Variants in ERCC3 observed in about 807,000 individuals in gnomAD.
ERCC3 encodes the protein general transcription and DNA repair factor IIH helicase/translocase subunit XPB.
A neutral mutation model predicts 94.2 loss-of-function variants in ERCC3; 66 were observed. The ratio of observed to expected loss-of-function variants is 0.70; its 90% CI spans 0.57 to 0.86. ERCC3 has a LOEUF of 0.86. ERCC3 is among the 40% of genes least tolerant of loss of function. The pLI is 0.00. For missense variants in ERCC3, 829 were observed against 987.1 expected (o/e 0.84, Z 2.15); for synonymous variants, 349 against 369.1 (o/e 0.95, Z 0.63).
At chr2:127,292,104 G>A (rs1573963961) in intron 3 of ERCC3, 1 of 226,492 alleles carries the variant, frequency 4.4e-6, no homozygotes, top group East Asian at 1.0e-4. Context: ...GGGCAGGTGA[G>A]AGAAAGCATG....
intron 10 of ERCC3, among the ~76,000 whole-genome samples, chr2:127,273,749 C>CAAAAAAAAAAA (rs398039596): frequency 3.0e-4 from 12 of 40,118 alleles, no homozygotes; most frequent in African/African-American, 1.2e-3. Flanking sequence ...AACTCTGTCT[C>CAAAAAAAAAAA]AAAAAAAAAA....
Position 127,291,929 on chromosome 2 carries a change from G to C in ERCC3, c.471+681C>G, listed in dbSNP as rs1274124356. ...TTTACCACCTGTGTTAGTCAGCTTG[G>C]GCTGCCATAATAAAATTCCAGACTG... is the stretch of plus-strand genomic sequence containing the variant. On this transcript the variant is annotated intron_variant, in intron 3 of 14. Transcript: ENST00000285398. This position sits in a 1 kb window ranked among gnomAD's most constrained non-coding sequence, Gnocchi z 4.9. 6.3e-6 allele frequency: 1 copy of C among 157,636 alleles called. No individual in the cohort carries two copies. Among genetic ancestry groups the C allele is most frequent in the Non-Finnish European group, 1.4e-5 (1 of 71,046 alleles). The allele number at this position is 157,636 out of a possible 1,614,324, so 9.8% of individuals were successfully genotyped here.
chr2:127,292,495 C>A (rs1685305313), intron 3 of ERCC3, 115 bp downstream of exon 3: 1 of 807,982 alleles, frequency 1.2e-6, no homozygotes, highest in African/African-American at 1.7e-5. Context: ...ATGCTCCCCA[C>A]AGGAAATCTG....
rs1024487635 is a variant in ERCC3, at chr2:127,292,940, T to C, written c.235-94A>G. 5.0e-6 allele frequency: 4 copies of C among 798,258 alleles called. No individual in the cohort carries two copies. In the African/African-American group the frequency reaches 6.7e-5, roughly 13 times the overall value. The allele number at this position is 798,258 out of a possible 1,614,324, so 49.4% of individuals were successfully genotyped here. On this transcript the variant is annotated intron_variant, in intron 2 of 14. Transcript: ENST00000285398. ...ATATCATTATCAAGAAAGAATAAGC[T>C]GCCCAACACCACAGATATTCTTGCA...
rs931889478 is a variant in ERCC3 at position 127,264,190 on chromosome 2, G to A, written c.1946-2844C>T. On this transcript the variant is annotated intron_variant, in intron 12 of 14. Coordinates refer to ENST00000285398, the MANE Select transcript of ERCC3 (RefSeq NM_000122.2). This position sits in a 1 kb window ranked among gnomAD's most constrained non-coding sequence, Gnocchi z 4.4. ...ATCAAAAGCTCTTTCTGGGCTGGGCGCAGTGGCTCACACCTATAATCCCAG... is the reference window on the plus strand; with the variant it reads ...ATCAAAAGCTCTTTCTGGGCTGGGCACAGTGGCTCACACCTATAATCCCAG... Among the ~76,000 whole-genome samples, 36 of 152,174 alleles carry A rather than the reference G, an allele frequency of 2.4e-4. 2 individuals carry two copies. The highest frequency in any genetic ancestry group is 2.0e-3 in the Admixed American group (31 of 15,272).
At position 127,284,588 on chromosome 2, in the gene ERCC3, T is replaced by C. The variant is rs538820781; in HGVS notation, c.1342+2115A>G. On this transcript the variant is annotated intron_variant, in intron 8 of 14. Coordinates refer to ENST00000285398, the MANE Select transcript of ERCC3 (RefSeq NM_000122.2). This position sits in a 1 kb window ranked among gnomAD's most constrained non-coding sequence, Gnocchi z 4.1. Reference sequence around the variant, plus strand: ...GAAAGAACCAGATGCTGGGGCCATTTTGACATTTTGAACACTACCTGTGAA... The same window carrying C: ...GAAAGAACCAGATGCTGGGGCCATTCTGACATTTTGAACACTACCTGTGAA... Among the ~76,000 whole-genome samples, 7 of 152,370 alleles carry C rather than the reference T, an allele frequency of 4.6e-5. No individual in the cohort carries two copies. Among genetic ancestry groups the C allele is most frequent in the African/African-American group, 1.4e-4 (6 of 41,586 alleles).
chr2:127,270,236 G>C (rs759907976), intron 12 of ERCC3, among the ~76,000 whole-genome samples: 6 of 152,136 alleles, frequency 3.9e-5, no homozygotes, highest in Non-Finnish European at 7.3e-5. Context: ...CATTGCCCAA[G>C]ATGGTCTCAA....
At chr2:127,261,482 C>T in intron 12 of ERCC3, 136 bp from the exon 13 acceptor site, 1 of 738,550 alleles carries the variant, frequency 1.4e-6, no homozygotes, top group South Asian at 1.4e-5. Context: ...CTGAACTTGG[C>T]ATGGGATTGC....
At position 127,293,596 on chromosome 2, in the gene ERCC3, T is replaced by C. The variant is rs1353065985; in HGVS notation, c.151A>G (p.Thr51Ala). 9.3e-6 allele frequency: 15 copies of C among 1,614,172 alleles called. No homozygotes were observed. The highest frequency in any genetic ancestry group is 1.3e-5 in the Non-Finnish European group (15 of 1,180,016). ...AAGKQVDESGTKVDEYGAKDY... is the reference protein window; with the variant it reads ...AAGKQVDESGAKVDEYGAKDY... ...TTGGCTCCATATTCATCCACTTTGG[T>C]GCCTGACTCATCCACCTGCTTCCCC... The change falls in exon 2 of 15, where the codon ACC (threonine) becomes GCC (alanine). Residue 51 changes from threonine to alanine, a missense_variant. By Grantham distance (58) the Thr-to-Ala change is moderately conservative. Transcript: ENST00000285398.
intron 8 of ERCC3, among the ~76,000 whole-genome samples, chr2:127,283,209 C>G (rs1022271393): frequency 1.3e-5 from 2 of 152,062 alleles, no homozygotes. Flanking sequence ...AATCAGGGTA[C>G]AGATAAAGAC....
At position 127,259,808 on chromosome 2, in the gene ERCC3, G is replaced by C. The variant is rs1684136989; in HGVS notation, c.2065-360C>G. 1 of 360,434 alleles carries C rather than the reference G, an allele frequency of 2.8e-6. No homozygotes were observed. The highest frequency in any genetic ancestry group is 2.1e-5 in the African/African-American group (1 of 47,202). 22.3% of individuals were successfully genotyped at this position (360,434 alleles called of 1,614,324 possible). A position where few individuals can be genotyped will look rare whatever the true frequency, so the allele number is the denominator to read the frequency against. ...GGAGCAGACAAAGGAAGGGACAAGT[G>C]ACTGGAAGGCACAGGCTGTGGCCCT... On this transcript the variant is annotated intron_variant, in intron 13 of 14. Transcript: ENST00000285398. This position sits in a 1 kb window ranked among gnomAD's most constrained non-coding sequence, Gnocchi z 4.9.
In ERCC3 at chr2:127,271,250, TG is replaced by T; in HGVS notation, c.1945+85del. 1 of 913,330 alleles carries T rather than the reference TG, an allele frequency of 1.1e-6. No individual in the cohort carries two copies. Among genetic ancestry groups the T allele is most frequent in the Non-Finnish European group, 1.8e-6 (1 of 541,860 alleles). The allele number at this position is 913,330 out of a possible 1,614,324, so 56.6% of individuals were successfully genotyped here. On this transcript the variant is annotated intron_variant, in intron 12 of 14. Coordinates refer to ENST00000285398, the MANE Select transcript of ERCC3 (RefSeq NM_000122.2). This position sits in a 1 kb window ranked among gnomAD's most constrained non-coding sequence, Gnocchi z 5.0. ...AGAGTCTATTTAGCCCCAGGGCACA[TG>T]GCAGCTCTCACCCCTATCGTCTTCC... is the stretch of plus-strand genomic sequence containing the variant.
rs1384055040 is a variant in ERCC3 at position 127,274,673 on chromosome 2, T to C, written c.1731-1712A>G. ...ACATAATTTTATCATTTTCTATGCA[T>C]GTCATGCAGTGAAAAAGGTTAGAAG... On this transcript the variant is annotated intron_variant, in intron 10 of 14. Coordinates refer to ENST00000285398, the MANE Select transcript of ERCC3 (RefSeq NM_000122.2). The surrounding 1 kb of genome is among the most constrained non-coding windows in gnomAD (Gnocchi z 4.0). 1.3e-5 allele frequency among the ~76,000 whole-genome samples: 2 copies of C among 152,218 alleles called. No individual in the cohort carries two copies. The highest frequency in any genetic ancestry group is 4.8e-5 in the African/African-American group (2 of 41,458).
At chr2:127,261,729 ACACCATTAAT>A (rs1433814032) in intron 12 of ERCC3, 1 of 300,952 alleles carries the variant, frequency 3.3e-6, no homozygotes, top group Non-Finnish European at 6.4e-6. Context: ...ATGATGCTCC[ACACCATTAAT>A]CACCAGGGAA....
Position 127,259,560 on chromosome 2 carries a change from C to T in ERCC3, c.2065-112G>A, listed in dbSNP as rs1684130191. The T allele has an allele frequency of 3.5e-6, 5 of 1,413,134 alleles. No individual in the cohort carries two copies. The highest frequency in any genetic ancestry group is 1.4e-5 in the African/African-American group (1 of 71,332). 87.5% of individuals were successfully genotyped at this position (1,413,134 alleles called of 1,614,324 possible). The stretch of plus-strand genomic sequence containing the variant: ...TCACTTCCCTCCCCAGGCCCAGCCA[C>T]CCTGGTGGCCAACAATGGAGAGCTC... On this transcript the variant is annotated intron_variant, in intron 13 of 14. Transcript: ENST00000285398. The surrounding 1 kb of genome is among the most constrained non-coding windows in gnomAD (Gnocchi z 4.9).
chr2:127,261,161 C>T, intron 13 of ERCC3, 67 bp downstream of exon 13: 2 of 929,902 alleles, frequency 2.2e-6, no homozygotes, highest in African/African-American at 1.6e-5. Context: ...GCCCTCGCTT[C>T]TCCTGGAGGC....
chr2:127,289,512 G>A lies in ERCC3; in HGVS notation c.658-11C>T, dbSNP rs1322969339. 10 of 1,612,304 alleles carry A rather than the reference G, an allele frequency of 6.2e-6. No individual in the cohort carries two copies. Among genetic ancestry groups the A allele is most frequent in the Non-Finnish European group, 8.5e-6 (10 of 1,179,952 alleles). ...AGCAGTCTTAGAAATCTGTGAGAGA[G>A]GTAGGTGCTGAACGTGCACACAACA... On this transcript the variant is annotated splice_polypyrimidine_tract_variant and intron_variant, in intron 5 of 14. Coordinates refer to ENST00000285398, the MANE Select transcript of ERCC3 (RefSeq NM_000122.2).
intron 8 of ERCC3, among the ~76,000 whole-genome samples, chr2:127,286,339 A>C (rs1186397815): frequency 7.2e-5 from 11 of 152,118 alleles, no homozygotes; most frequent in Non-Finnish European, 1.6e-4. Context: ...TCACGAGGTC[A>C]GGAGTTCAAG....
chr2:127,275,105 A>G lies in ERCC3; in HGVS notation c.1731-2144T>C, dbSNP rs973108679. On this transcript the variant is annotated intron_variant, in intron 10 of 14. Transcript: ENST00000285398. ...CTTGCAAAGTGCTTTGGTGATACCA[A>G]TGCCTTTCTTATGAAGGCTGGGAGG... is the stretch of plus-strand genomic sequence containing the variant. Among the ~76,000 whole-genome samples, 3 of 152,176 alleles carry G rather than the reference A, an allele frequency of 2.0e-5. 1 individual carries two copies. Among genetic ancestry groups the G allele is most frequent in the Admixed American group, 2.0e-4 (3 of 15,288 alleles).
Sources: allele counts gnomAD v4.1 joint callset (sites outside exome capture counted in the v4.1 genomes callset), GRCh38; gene constraint gnomAD v4.1.1; non-coding constraint Gnocchi (gnomAD v3.1); transcripts MANE v1.5; gene names NCBI Gene and HGNC (gene_info 2026-07-23, HGNC 2026-07-21).